IL2RA: variants seen among roughly 807,000 people sequenced by gnomAD.
IL2RA encodes interleukin-2 receptor subunit alpha.
In IL2RA, 24 loss-of-function variants were observed where a neutral mutation model predicts 37.8. That is an observed-to-expected ratio of 0.63 (90% CI 0.46 to 0.89). IL2RA has a LOEUF of 0.89. IL2RA is among the 40% of genes least tolerant of loss of function. The pLI is 0.00. For synonymous variants in IL2RA, 125 were observed against 114.6 expected (o/e 1.09, Z -0.58); for missense variants, 319 against 348.6 (o/e 0.92, Z 0.68).
intron 1 of IL2RA, among the ~76,000 whole-genome samples, chr10:6,060,157 C>T (rs1342016063): frequency 6.6e-6 from 1 of 152,184 alleles, no homozygotes; most frequent in Admixed American, 6.5e-5. Flanking sequence ...TTGGCTTAGA[C>T]TGAGTTAGCA....
intron 7 of IL2RA, among the ~76,000 whole-genome samples, 165 bp from the exon 8 acceptor site, chr10:6,013,061 C>G (rs1254121543): frequency 6.6e-6 from 1 of 152,184 alleles, no homozygotes; most frequent in Admixed American, 6.5e-5. Flanking sequence ...AACTCCTGAC[C>G]TTGTGATCTG....
Position 6,024,470 on chromosome 10 carries a change from TG to T in IL2RA, c.257-117del, listed in dbSNP as rs540440085. 1.7e-3 allele frequency: 1,297 copies of T among 777,458 alleles called. 16 individuals carry two copies. In the African/African-American group the frequency reaches 0.019, roughly 11 times the overall value. 48.2% of individuals were successfully genotyped at this position (777,458 alleles called of 1,614,324 possible). ...TGTCCAGGGCCCACGATGTGTCTGG[TG>T]GTGTCTGGCTGCTGAGCTTACAAAT... is the stretch of plus-strand genomic sequence containing the variant. On this transcript the variant is annotated intron_variant, in intron 2 of 7. Coordinates refer to ENST00000379959, the MANE Select transcript of IL2RA (RefSeq NM_000417.3).
At chr10:6,050,876 C>T (rs542262279) in intron 1 of IL2RA, among the ~76,000 whole-genome samples, 16 of 152,118 alleles carry the variant, frequency 1.1e-4, no homozygotes, top group East Asian at 5.8e-4. Context: ...GCTTGAGAGA[C>T]GCTGGGAGAG....
rs1016265267 is a variant in IL2RA at position 6,062,177 on chromosome 10, G to A, written c.-26C>T. On this transcript the variant is annotated 5_prime_UTR_variant, in exon 1 of 8. Coordinates refer to ENST00000379959, the MANE Select transcript of IL2RA (RefSeq NM_000417.3). ...CTTCCTGACCCTTGGGACCAGCCGG[G>A]GCAGTGAAGCGGAGGTCTTTCTCTG... 4.4e-6 allele frequency: 7 copies of A among 1,606,758 alleles called. No homozygotes were observed. In the Middle Eastern group the frequency reaches 4.9e-4, roughly 113 times the overall value.
In IL2RA at chr10:6,025,221, G is replaced by C. The variant is rs1286584213; in HGVS notation, c.256+613C>G. 2.6e-5 allele frequency among the ~76,000 whole-genome samples: 4 copies of C among 151,930 alleles called. No homozygotes were observed. Among genetic ancestry groups the C allele is most frequent in the Admixed American group, 2.6e-4 (4 of 15,256 alleles). ...ATAAAAAAATTAGCCAGGCATGGTG[G>C]TGCACACCTGTAGTCCCAGCTACTT... On this transcript the variant is annotated intron_variant, in intron 2 of 7. Transcript: ENST00000379959. The surrounding 1 kb of genome is among the most constrained non-coding windows in gnomAD (Gnocchi z 4.4).
rs1839269293 is a variant in IL2RA at position 6,015,973 on chromosome 10, T to G, written c.794+2080A>C. 6.6e-6 allele frequency among the ~76,000 whole-genome samples: 1 copy of G among 152,146 alleles called. No individual in the cohort carries two copies. ...GAACTTGGCAGTGTGGGGCTTCTCT[T>G]GGGAATGATGGAAGTATTCTGGAAT... is the stretch of plus-strand genomic sequence containing the variant. On this transcript the variant is annotated intron_variant, in intron 7 of 7. Coordinates refer to ENST00000379959, the MANE Select transcript of IL2RA (RefSeq NM_000417.3). This position sits in a 1 kb window ranked among gnomAD's most constrained non-coding sequence, Gnocchi z 4.9.
At chr10:6,024,419 G>A in intron 2 of IL2RA, 65 bp from the exon 3 acceptor site, 2 of 1,188,184 alleles carry the variant, frequency 1.7e-6, no homozygotes, top group East Asian at 2.3e-5. Context: ...CACTGTTCAT[G>A]TATTCATTCA....
Position 6,044,990 on chromosome 10 carries a change from G to C in IL2RA, c.64+17098C>G, listed in dbSNP as rs1839827343. Reference sequence around the variant, plus strand: ...TTGAAGGAAATGTGGGAGAAGTAAAGTGCCTGTCTCAGGGCTTGGGGGATT... The same window carrying C: ...TTGAAGGAAATGTGGGAGAAGTAAACTGCCTGTCTCAGGGCTTGGGGGATT... On this transcript the variant is annotated intron_variant, in intron 1 of 7. Transcript: ENST00000379959. The surrounding 1 kb of genome is among the most constrained non-coding windows in gnomAD (Gnocchi z 4.5). Among the ~76,000 whole-genome samples the C allele has an allele frequency of 6.6e-6, 1 of 152,220 alleles. No individual in the cohort carries two copies. Among genetic ancestry groups the C allele is most frequent in the East Asian group, 1.9e-4 (1 of 5,190 alleles).
chr10:6,055,373 T>G (rs1325672323), intron 1 of IL2RA, among the ~76,000 whole-genome samples: 1 of 152,088 alleles, frequency 6.6e-6, no homozygotes, highest in East Asian at 1.9e-4. Flanking sequence ...TCGGTTCTGT[T>G]CCCCAGAGAG....
intron 1 of IL2RA, among the ~76,000 whole-genome samples, chr10:6,060,785 G>A (rs1840111487): frequency 6.6e-6 from 1 of 151,816 alleles, no homozygotes; most frequent in Admixed American, 6.6e-5. Context: ...AAATAAAAAT[G>A]TAATAAGTAA....
rs1041251293 is a variant in IL2RA at position 6,021,347 on chromosome 10, A to G, written c.583+131T>C. 3.5e-5 allele frequency: 28 copies of G among 790,954 alleles called. No individual in the cohort carries two copies. The African/African-American group carries it at 4.0e-4, about 11-fold the overall frequency. The allele number at this position is 790,954 out of a possible 1,614,324, so 49.0% of individuals were successfully genotyped here. On this transcript the variant is annotated intron_variant, in intron 4 of 7. Transcript: ENST00000379959. The surrounding 1 kb of genome is among the most constrained non-coding windows in gnomAD (Gnocchi z 4.9). Reference sequence around the variant, plus strand: ...TTTTTTTTTCTCAGAATGAGAAAAAATGGAAGCCCAGGGAGATCAAGGGTC... The same window carrying G: ...TTTTTTTTTCTCAGAATGAGAAAAAGTGGAAGCCCAGGGAGATCAAGGGTC...
In IL2RA at chr10:6,047,813, T is replaced by C. The variant is rs557549512; in HGVS notation, c.64+14275A>G. On this transcript the variant is annotated intron_variant, in intron 1 of 7. Transcript: ENST00000379959. The surrounding 1 kb of genome is among the most constrained non-coding windows in gnomAD (Gnocchi z 5.0). The stretch of plus-strand genomic sequence containing the variant: ...TCATTAATATAATTAGTATATTATA[T>C]GATAAATATATATAATAAAAGACAT... Among the ~76,000 whole-genome samples the C allele has an allele frequency of 7.0e-6, 1 of 142,040 alleles. No individual in the cohort carries two copies. The highest frequency in any genetic ancestry group is 2.0e-4 in the East Asian group (1 of 5,060). 93.2% of individuals were successfully genotyped at this position (142,040 alleles called of 152,430 possible).
chr10:6,036,833 G>A lies in IL2RA; in HGVS notation c.65-10808C>T, dbSNP rs12722521. Among the ~76,000 whole-genome samples the A allele has an allele frequency of 0.038, 5,811 of 152,212 alleles. 132 individuals are homozygous for A. Among genetic ancestry groups the A allele is most frequent in the Middle Eastern group, 0.14 (40 of 294 alleles). ...CACTGCTGAAGAAGAAGGATATCCC[G>A]GTTGGCTGCTCTAGAGCCGGCAGGA... On this transcript the variant is annotated intron_variant, in intron 1 of 7. Transcript: ENST00000379959. This position sits in a 1 kb window ranked among gnomAD's most constrained non-coding sequence, Gnocchi z 6.1.
rs985603002 is a variant in IL2RA at position 6,061,716 on chromosome 10, T to C, written c.64+372A>G. 3.9e-5 allele frequency among the ~76,000 whole-genome samples: 6 copies of C among 152,272 alleles called. No individual in the cohort carries two copies. The East Asian group carries it at 7.7e-4, about 20-fold the overall frequency. On this transcript the variant is annotated intron_variant, in intron 1 of 7. Coordinates refer to ENST00000379959, the MANE Select transcript of IL2RA (RefSeq NM_000417.3). ...AAAGAGCTTCCTGATAGCTTCTTAG[T>C]TGGGGGGTGGGAGTGCAGAGAATAA...
In IL2RA at chr10:6,025,731, C is replaced by G. The variant is rs1017654682; in HGVS notation, c.256+103G>C. On this transcript the variant is annotated intron_variant, in intron 2 of 7. Transcript: ENST00000379959. The surrounding 1 kb of genome is among the most constrained non-coding windows in gnomAD (Gnocchi z 4.4). ...AAAATTAGTTATCCTGTAGACTGGA[C>G]TGGCCCATTTGTGTCTATAGGGCTG... 9.4e-7 allele frequency: 1 copy of G among 1,061,022 alleles called. No individual in the cohort carries two copies. The highest frequency in any genetic ancestry group is 1.6e-5 in the African/African-American group (1 of 63,924). 65.7% of individuals were successfully genotyped at this position (1,061,022 alleles called of 1,614,324 possible). A position where few individuals can be genotyped will look rare whatever the true frequency, so the allele number is the denominator to read the frequency against.
intron 1 of IL2RA, among the ~76,000 whole-genome samples, chr10:6,034,679 A>C (rs1174385776): frequency 2.6e-5 from 4 of 152,192 alleles, no homozygotes; most frequent in African/African-American, 7.2e-5. Flanking sequence ...GCCAAAAATT[A>C]CTTCTCAAAA....
In IL2RA at chr10:6,033,322, CA is replaced by C. The variant is rs111395910; in HGVS notation, c.65-7298del. Reference sequence around the variant, plus strand: ...AAACAAAGAAACAAACAAACAACAACAAAAAAAAAACAAAAAAAGAAAGTAT... The same window carrying C: ...AAACAAAGAAACAAACAAACAACAACAAAAAAAAACAAAAAAAGAAAGTAT... On this transcript the variant is annotated intron_variant, in intron 1 of 7. Transcript: ENST00000379959. This position sits in a 1 kb window ranked among gnomAD's most constrained non-coding sequence, Gnocchi z 4.3. Among the ~76,000 whole-genome samples, 35,434 of 146,546 alleles carry C rather than the reference CA, an allele frequency of 0.24. 4,458 individuals carry two copies. The highest frequency in any genetic ancestry group is 0.32 in the Middle Eastern group (92 of 288).
At chr10:6,023,300 C>T (rs183414278) in intron 3 of IL2RA, among the ~76,000 whole-genome samples, 1 of 152,282 alleles carries the variant, frequency 6.6e-6, no homozygotes, top group East Asian at 1.9e-4. Flanking sequence ...AAGCTCAATT[C>T]TTCCTAGCAG....
Position 6,033,304 on chromosome 10 carries a change from G to C in IL2RA, c.65-7279C>G, listed in dbSNP as rs1396381981. Reference sequence around the variant, plus strand: ...AGACTCTGTCTCAAAAACAAACAAAGAAACAAACAAACAACAACAAAAAAA... The same window carrying C: ...AGACTCTGTCTCAAAAACAAACAAACAAACAAACAAACAACAACAAAAAAA... On this transcript the variant is annotated intron_variant, in intron 1 of 7. Coordinates refer to ENST00000379959, the MANE Select transcript of IL2RA (RefSeq NM_000417.3). The surrounding 1 kb of genome is among the most constrained non-coding windows in gnomAD (Gnocchi z 4.3). 3.4e-5 allele frequency among the ~76,000 whole-genome samples: 5 copies of C among 149,070 alleles called. No individual in the cohort carries two copies. The highest frequency in any genetic ancestry group is 4.3e-4 in the South Asian group (2 of 4,702).
Sources: allele counts gnomAD v4.1 joint callset (sites outside exome capture counted in the v4.1 genomes callset), GRCh38; gene constraint gnomAD v4.1.1; non-coding constraint Gnocchi (gnomAD v3.1); transcripts MANE v1.5; gene names NCBI Gene and HGNC (gene_info 2026-07-23, HGNC 2026-07-21).